Variants in PRKG1 observed in about 807,000 individuals in gnomAD.
PRKG1 encodes cGMP-dependent protein kinase 1.
In PRKG1, 35 loss-of-function variants were observed where a neutral mutation model predicts 88.1. The observed-to-expected ratio is 0.40, with a 90% CI of 0.30 to 0.53. The LOEUF is 0.53. Ranked by LOEUF, PRKG1 falls within the 20% of genes least tolerant of loss-of-function variation. The pLI is 0.59. For synonymous variants in PRKG1, 303 were observed against 292.5 expected (o/e 1.04, Z -0.37); for missense variants, 540 against 839.8 (o/e 0.64, Z 4.41).
At chr10:51,262,563 G>C (rs10996399) in intron 2 of PRKG1, among the ~76,000 whole-genome samples, 10 of 152,030 alleles carry the variant, frequency 6.6e-5, no homozygotes, top group Admixed American at 1.3e-4. Flanking sequence ...GTTTGACATC[G>C]TATAAAGCCC....
At chr10:51,615,665 T>G (rs1351497304) in intron 3 of PRKG1, among the ~76,000 whole-genome samples, 2 of 151,790 alleles carry the variant, frequency 1.3e-5, no homozygotes, top group African/African-American at 4.8e-5. Flanking sequence ...TGGTTCTTTT[T>G]TTTTTAATGA....
At chr10:52,141,300 C>T (rs748640935) in intron 8 of PRKG1, among the ~76,000 whole-genome samples, 10 of 152,102 alleles carry the variant, frequency 6.6e-5, no homozygotes, top group Non-Finnish European at 8.8e-5. Context: ...CATTCTCATT[C>T]GAAAAGGAGT....
intron 1 of PRKG1, among the ~76,000 whole-genome samples, chr10:51,093,879 A>C (rs1844461410): frequency 6.7e-6 from 1 of 149,928 alleles, no homozygotes; most frequent in South Asian, 2.1e-4. Flanking sequence ...TGAACAAGTC[A>C]CTTTTATCCC....
At chr10:51,714,073 A>G (rs1207457406) in intron 3 of PRKG1, among the ~76,000 whole-genome samples, 1 of 151,938 alleles carries the variant, frequency 6.6e-6, no homozygotes, top group Non-Finnish European at 1.5e-5. Context: ...TCCGCCTCCC[A>G]GGTTTGCGCC....
intron 3 of PRKG1, among the ~76,000 whole-genome samples, chr10:51,473,507 T>G (rs1028770005): frequency 6.6e-6 from 1 of 151,908 alleles, no homozygotes; most frequent in African/African-American, 2.4e-5. Flanking sequence ...CCAGGCCTGG[T>G]AGATAGTCAT....
At chr10:52,105,240 G>A (rs1197443881) in intron 7 of PRKG1, among the ~76,000 whole-genome samples, 1 of 151,874 alleles carries the variant, frequency 6.6e-6, no homozygotes, top group Non-Finnish European at 1.5e-5. Context: ...GGTCCAAATT[G>A]TCTCCAGTTC....
At chr10:52,036,735 A>G (rs200266366) in intron 5 of PRKG1, among the ~76,000 whole-genome samples, 1 of 152,176 alleles carries the variant, frequency 6.6e-6, no homozygotes, top group East Asian at 1.9e-4. Flanking sequence ...AAAGTGTCTC[A>G]GCCTAATAAG....
intron 5 of PRKG1, among the ~76,000 whole-genome samples, chr10:51,999,564 A>C (rs1443049027): frequency 6.6e-6 from 1 of 152,168 alleles, no homozygotes; most frequent in African/African-American, 2.4e-5. Flanking sequence ...GAATTAATGA[A>C]TAGGTATTCT....
At chr10:52,013,624 T>A (rs973204446) in intron 5 of PRKG1, among the ~76,000 whole-genome samples, 1 of 151,920 alleles carries the variant, frequency 6.6e-6, no homozygotes, top group African/African-American at 2.4e-5. Flanking sequence ...AACTGGGGAG[T>A]CTGATTTGCT....
intron 2 of PRKG1, among the ~76,000 whole-genome samples, chr10:51,396,953 G>A (rs1588914172): frequency 6.6e-6 from 1 of 151,988 alleles, no homozygotes; most frequent in Non-Finnish European, 1.5e-5. Flanking sequence ...TACAAAATAA[G>A]TCCATGAAAA....
At chr10:51,654,963 G>A (rs897647310) in intron 3 of PRKG1, among the ~76,000 whole-genome samples, 5 of 152,132 alleles carry the variant, frequency 3.3e-5, no homozygotes, top group African/African-American at 9.7e-5. Flanking sequence ...TCTTTTGTGA[G>A]GAAATTATTT....
Position 51,578,943 on chromosome 10 carries a change from G to A in PRKG1, c.592+111107G>A, listed in dbSNP as rs1160618656. Among the ~76,000 whole-genome samples the A allele has an allele frequency of 2.1e-5, 3 of 141,528 alleles. No individual in the cohort carries two copies. The East Asian group carries it at 6.2e-4, about 29-fold the overall frequency. 92.8% of individuals were successfully genotyped at this position (141,528 alleles called of 152,430 possible). On this transcript the variant is annotated intron_variant, in intron 3 of 17. Transcript: ENST00000373980. ...AATTTTACCTGTGTGTTGCCATTTA[G>A]CCATTTTTCCAGAAGAGTTTGGAAT...
intron 3 of PRKG1, among the ~76,000 whole-genome samples, chr10:51,598,423 G>A (rs1334158599): frequency 2.6e-5 from 4 of 152,162 alleles, no homozygotes; most frequent in Non-Finnish European, 5.9e-5. Context: ...ACAGGTGCGT[G>A]CCACCATACC....
chr10:52,040,422 A>T (rs1343745109), intron 5 of PRKG1, among the ~76,000 whole-genome samples: 3 of 152,228 alleles, frequency 2.0e-5, no homozygotes, highest in Non-Finnish European at 4.4e-5. Context: ...TCAAATTGTT[A>T]AATTTGAATT....
chr10:52,204,601 A>G (rs1367505050), intron 9 of PRKG1, among the ~76,000 whole-genome samples: 1 of 152,184 alleles, frequency 6.6e-6, no homozygotes, highest in Non-Finnish European at 1.5e-5. Flanking sequence ...TGAAGATTTC[A>G]TGGACATTTA....
intron 5 of PRKG1, among the ~76,000 whole-genome samples, chr10:52,007,310 C>T (rs1343209738): frequency 1.3e-5 from 2 of 152,060 alleles, no homozygotes; most frequent in African/African-American, 4.8e-5. Flanking sequence ...CTAAATGCCC[C>T]CATTTAAAAG....
intron 2 of PRKG1, among the ~76,000 whole-genome samples, chr10:51,424,308 A>G (rs1271940627): frequency 6.6e-6 from 1 of 152,072 alleles, no homozygotes; most frequent in African/African-American, 2.4e-5. Flanking sequence ...TATTTTTTCC[A>G]CATATATTTC....
chr10:51,573,959 A>G (rs1019020283), intron 3 of PRKG1, among the ~76,000 whole-genome samples: 5 of 151,922 alleles, frequency 3.3e-5, no homozygotes, highest in Non-Finnish European at 4.4e-5. Context: ...GACAAGAAGC[A>G]CTTAGCAGCT....
At chr10:52,166,829 G>GTATATATATATA (rs550569578) in intron 9 of PRKG1, among the ~76,000 whole-genome samples, 3 of 5,576 alleles carry the variant, frequency 5.4e-4, no homozygotes, top group Non-Finnish European at 7.2e-4. Flanking sequence ...GTATATATAT[G>GTATATATATATA]TATATATATG....
Sources: gnomAD v4.1 joint callset for allele counts (sites outside exome capture counted in the v4.1 genomes callset) on GRCh38, gnomAD v4.1.1 for gene constraint, MANE v1.5 for transcripts, NCBI Gene and HGNC (gene_info 2026-07-23, HGNC 2026-07-21) for gene names.